The following SNX6 variants were observed in gnomAD, a reference collection of about 807,000 sequenced individuals.
The protein encoded by SNX6 is sorting nexin-6.
SNX6 carries 34 observed loss-of-function variants against 63.0 expected under a neutral mutation model. The ratio of observed to expected loss-of-function variants is 0.54; its 90% CI spans 0.41 to 0.72. SNX6 has a LOEUF of 0.72. Among genes scored for constraint, SNX6 ranks in the 30% least tolerant of loss-of-function variants. SNX6 has a pLI of 0.00. For synonymous variants in SNX6, 170 were observed against 164.2 expected, an observed-to-expected ratio of 1.04 and a Z score of -0.27; for missense variants, 398 against 471.4, an observed-to-expected ratio of 0.84 and a Z score of 1.44.
chr14:34,608,443 A>G (rs765031095), intron 3 of SNX6, among the ~76,000 whole-genome samples: 3 of 152,194 alleles, frequency 2.0e-5, no homozygotes, highest in Admixed American at 6.6e-5. Context: ...GATTACAGGT[A>G]TGAGCCACTG....
intron 9 of SNX6, among the ~76,000 whole-genome samples, chr14:34,582,343 T>C (rs902105766): frequency 1.3e-5 from 2 of 151,812 alleles, no homozygotes; most frequent in Admixed American, 6.6e-5. Context: ...GGTTAAAAAT[T>C]AGCCAGGTGT....
At chr14:34,573,117 G>A (rs1374164521) in intron 11 of SNX6, among the ~76,000 whole-genome samples, 5 of 152,064 alleles carry the variant, frequency 3.3e-5, no homozygotes, top group Admixed American at 6.6e-5. Context: ...CTGGGACTAC[G>A]GGAACACACC....
In SNX6 at chr14:34,569,019, G is replaced by C; in HGVS notation, c.922-1006C>G. 2.1e-6 allele frequency: 3 copies of C among 1,463,002 alleles called. No individual in the cohort carries two copies. In the East Asian group the frequency reaches 6.8e-5, roughly 33 times the overall value. 90.6% of individuals were successfully genotyped at this position (1,463,002 alleles called of 1,614,324 possible). A position where few individuals can be genotyped will look rare whatever the true frequency, so the allele number is the denominator to read the frequency against. On this transcript the variant is annotated intron_variant, in intron 11 of 13. Transcript: ENST00000362031. ...GCTCTTTGTGCTTGGCCAGCAGCTT[G>C]ACGGTGTCCACCCATTCGGGGACTT...
At chr14:34,600,488 G>A (rs1172711062) in intron 6 of SNX6, among the ~76,000 whole-genome samples, 3 of 151,470 alleles carry the variant, frequency 2.0e-5, no homozygotes, top group Admixed American at 6.6e-5. Context: ...ATGTTGCCCA[G>A]GCTGGTCTCG....
intron 2 of SNX6, among the ~76,000 whole-genome samples, chr14:34,612,538 A>G (rs1221484550): frequency 1.3e-5 from 2 of 151,894 alleles, no homozygotes; most frequent in Non-Finnish European, 2.9e-5. Flanking sequence ...TGTTCAAGTG[A>G]TTCTCCTGCC....
intron 6 of SNX6, among the ~76,000 whole-genome samples, chr14:34,599,892 C>G (rs1882742447): frequency 6.6e-6 from 1 of 152,002 alleles, no homozygotes; most frequent in Non-Finnish European, 1.5e-5. Flanking sequence ...CCATAGTTCT[C>G]ATTAAAATCT....
chr14:34,629,801 G>A (rs907507336), intron 2 of SNX6, 106 bp downstream of exon 2: 3 of 1,489,146 alleles, frequency 2.0e-6, no homozygotes, highest in African/African-American at 2.8e-5. Flanking sequence ...GGACTACGGG[G>A]AGGGAGTGCC....
At chr14:34,582,315 A>G (rs1461161530) in intron 9 of SNX6, among the ~76,000 whole-genome samples, 1 of 151,726 alleles carries the variant, frequency 6.6e-6, no homozygotes, top group Non-Finnish European at 1.5e-5. Flanking sequence ...TATTTTTAGT[A>G]GAAACAAGTT....
intron 9 of SNX6, among the ~76,000 whole-genome samples, chr14:34,583,282 C>T (rs1013282904): frequency 6.6e-6 from 1 of 152,092 alleles, no homozygotes. Context: ...GCACTCCAGC[C>T]TGGGCAACAG....
At chr14:34,598,876 T>C (rs867220715) in intron 6 of SNX6, among the ~76,000 whole-genome samples, 1 of 152,128 alleles carries the variant, frequency 6.6e-6, no homozygotes, top group South Asian at 2.1e-4. Context: ...GCCTGGGCAA[T>C]ACAGCAAGAC....
chr14:34,577,027 G>A (rs986385365), intron 10 of SNX6, among the ~76,000 whole-genome samples: 1 of 151,910 alleles, frequency 6.6e-6, no homozygotes, highest in Non-Finnish European at 1.5e-5. Context: ...TCCAGCCTGG[G>A]TGACAGAGCG....
At chr14:34,606,396 C>G (rs948546787) in intron 4 of SNX6, among the ~76,000 whole-genome samples, 8 of 151,502 alleles carry the variant, frequency 5.3e-5, no homozygotes, top group Non-Finnish European at 1.0e-4. Context: ...GCTGGGATTA[C>G]AGGCATGAGC....
chr14:34,609,134 G>GA (rs1883126123), intron 3 of SNX6, among the ~76,000 whole-genome samples: 1 of 151,738 alleles, frequency 6.6e-6, no homozygotes, highest in Non-Finnish European at 1.5e-5. Flanking sequence ...TAAAAATTTG[G>GA]AAAAAAATTA....
chr14:34,587,660 C>T (rs946599311), intron 8 of SNX6, among the ~76,000 whole-genome samples: 1 of 151,466 alleles, frequency 6.6e-6, no homozygotes, highest in Non-Finnish European at 1.5e-5. Flanking sequence ...GAGACAGGGT[C>T]TCACTCTGTT....
intron 13 of SNX6, among the ~76,000 whole-genome samples, chr14:34,563,825 G>A (rs1756679334): frequency 1.3e-5 from 2 of 151,398 alleles, no homozygotes; most frequent in African/African-American, 4.9e-5. Context: ...TGTAACCTCC[G>A]CCTCCTGGGT....
In SNX6 at chr14:34,593,125, T is replaced by G; in HGVS notation, c.638A>C (p.Glu213Ala). The part of the protein sequence containing the change: ...VKDVDDFFEH[E>A]RTFLLEYHNR... The stretch of plus-strand genomic sequence containing the variant: ...ATGATACTCCAAAAGAAATGTTCGT[T>G]CGTGCTCAAAGAAATCATCTACATC... Residue 213 changes from glutamate to alanine, a missense_variant, in exon 8 of 14, where the codon GAA (glutamate) becomes GCA (alanine). By Grantham distance (107) the Glu-to-Ala change is moderately radical. Transcript: ENST00000362031. 1 of 1,605,930 alleles carries G rather than the reference T, an allele frequency of 6.2e-7. No homozygotes were observed. Among genetic ancestry groups the G allele is most frequent in the Non-Finnish European group, 8.5e-7 (1 of 1,177,454 alleles).
At chr14:34,627,477 C>CT (rs1299800455) in intron 2 of SNX6, among the ~76,000 whole-genome samples, 1 of 148,490 alleles carries the variant, frequency 6.7e-6, no homozygotes. Flanking sequence ...ATTGTTTTTT[C>CT]TTTTTTTTCT....
intron 4 of SNX6, among the ~76,000 whole-genome samples, chr14:34,607,068 G>A (rs1174986562): frequency 2.6e-5 from 4 of 151,846 alleles, no homozygotes; most frequent in Non-Finnish European, 2.9e-5. Flanking sequence ...ATGAGCTACC[G>A]TGCCCAGCCC....
At chr14:34,598,415 C>T (rs1463627197) in intron 6 of SNX6, among the ~76,000 whole-genome samples, 4 of 152,162 alleles carry the variant, frequency 2.6e-5, no homozygotes, top group African/African-American at 7.2e-5. Context: ...TTTTGAGACA[C>T]TGTCTCCCTC....
Sources: allele counts gnomAD v4.1 joint callset (sites outside exome capture counted in the v4.1 genomes callset), GRCh38; gene constraint gnomAD v4.1.1; transcripts MANE v1.5; gene names NCBI Gene and HGNC (gene_info 2026-07-23, HGNC 2026-07-21).